CACNA2D3: variants seen among roughly 807,000 people sequenced by gnomAD.
CACNA2D3 encodes calcium voltage-gated channel auxiliary subunit alpha2delta 3.
Under a neutral mutation model 160.6 loss-of-function variants are expected in CACNA2D3, and 60 were observed. The observed-to-expected ratio is 0.37, with a 90% CI of 0.30 to 0.46. CACNA2D3 has a LOEUF of 0.46. Ranked by LOEUF, CACNA2D3 falls within the 20% of genes least tolerant of loss-of-function variation. The pLI, the probability that CACNA2D3 is intolerant of heterozygous loss-of-function variation, is 1.00. For synonymous variants in CACNA2D3, 558 were observed against 492.9 expected (o/e 1.13, Z -1.75); for missense variants, 1,205 against 1,365.0 (o/e 0.88, Z 1.85).
intron 3 of CACNA2D3, among the ~76,000 whole-genome samples, chr3:54,332,880 C>A (rs143051812): frequency 6.6e-6 from 1 of 152,062 alleles, no homozygotes; most frequent in South Asian, 2.1e-4. Flanking sequence ...AGATTTATAG[C>A]GGGCTCCCTC....
At chr3:54,969,014 G>A (rs1702216121) in intron 28 of CACNA2D3, among the ~76,000 whole-genome samples, 2 of 152,068 alleles carry the variant, frequency 1.3e-5, no homozygotes, top group South Asian at 4.1e-4. Context: ...GGTATTTGTT[G>A]AGTAATTTGG....
intron 2 of CACNA2D3, among the ~76,000 whole-genome samples, chr3:54,133,803 C>G (rs1402766528): frequency 6.6e-6 from 1 of 152,108 alleles, no homozygotes; most frequent in Non-Finnish European, 1.5e-5. Flanking sequence ...TGTGTATTCC[C>G]CATTAAGGTA....
At chr3:54,675,191 A>C (rs1257010412) in intron 11 of CACNA2D3, among the ~76,000 whole-genome samples, 1 of 152,142 alleles carries the variant, frequency 6.6e-6, no homozygotes, top group African/African-American at 2.4e-5. Context: ...AGGGTTTGGG[A>C]GACAGGGCCA....
intron 27 of CACNA2D3, among the ~76,000 whole-genome samples, chr3:54,965,680 G>A (rs1000066392): frequency 6.6e-6 from 1 of 152,124 alleles, no homozygotes; most frequent in Non-Finnish European, 1.5e-5. Context: ...TTAACTTATG[G>A]GTAAAAGAAA....
rs148687445 is a variant in CACNA2D3 at position 54,877,779 on chromosome 3, A to T, written c.1711-1239A>T. Among the ~76,000 whole-genome samples, 301 of 152,220 alleles carry T rather than the reference A, an allele frequency of 2.0e-3. 2 individuals are homozygous for T. The highest frequency in any genetic ancestry group is 6.8e-3 in the African/African-American group (282 of 41,536). On this transcript the variant is annotated intron_variant, in intron 18 of 37. Transcript: ENST00000474759. ...ATGGAGACACAGCGAGGCTTACCTAATCTCTAGTTTGCCTGGGGAATGTGA... is the reference window on the plus strand; with the variant it reads ...ATGGAGACACAGCGAGGCTTACCTATTCTCTAGTTTGCCTGGGGAATGTGA...
chr3:54,387,662 G>A (rs1466434111), intron 4 of CACNA2D3, among the ~76,000 whole-genome samples: 1 of 149,278 alleles, frequency 6.7e-6, no homozygotes, highest in Non-Finnish European at 1.5e-5. Flanking sequence ...AAATAAATAA[G>A]TAAGTAAGTA....
At chr3:54,569,402 A>G (rs1285293861) in intron 6 of CACNA2D3, among the ~76,000 whole-genome samples, 1 of 152,024 alleles carries the variant, frequency 6.6e-6, no homozygotes, top group African/African-American at 2.4e-5. Context: ...CACCTGGTCC[A>G]GGGACGGGCC....
chr3:54,764,219 A>G lies in CACNA2D3; in HGVS notation c.1248A>G (p.Gly416=). The change falls in exon 13 of 38, where the codon GGA becomes GGG. Residue 416 remains glycine, a splice_region_variant and synonymous_variant. Coordinates refer to ENST00000474759, the MANE Select transcript of CACNA2D3 (RefSeq NM_018398.3). The part of the protein sequence containing the change: ...NLKWMACANK[G]FFTQISTLAD... Reference sequence around the variant, plus strand: ...TGGCCCTCCCTTGGGTTTTGACAGGATTTTTTACCCAGATCTCCACCTTGG... The same window carrying G: ...TGGCCCTCCCTTGGGTTTTGACAGGGTTTTTTACCCAGATCTCCACCTTGG... The G allele has an allele frequency of 6.2e-7, 1 of 1,612,970 alleles. No homozygotes were observed. The highest frequency in any genetic ancestry group is 1.1e-5 in the South Asian group (1 of 90,980).
intron 2 of CACNA2D3, among the ~76,000 whole-genome samples, chr3:54,289,435 A>G (rs1703124151): frequency 6.6e-6 from 1 of 152,194 alleles, no homozygotes; most frequent in African/African-American, 2.4e-5. Flanking sequence ...AGAACATTCC[A>G]TGCTCATGGG....
chr3:54,685,555 C>G (rs1700434720), intron 11 of CACNA2D3, among the ~76,000 whole-genome samples: 1 of 152,220 alleles, frequency 6.6e-6, no homozygotes, highest in East Asian at 1.9e-4. Context: ...GACTAAGAAA[C>G]AGATCCTGGG....
At chr3:54,409,355 T>A (rs1484693355) in intron 4 of CACNA2D3, among the ~76,000 whole-genome samples, 1 of 152,160 alleles carries the variant, frequency 6.6e-6, no homozygotes, top group Non-Finnish European at 1.5e-5. Flanking sequence ...CAAACTTAAT[T>A]GATAAATATT....
intron 2 of CACNA2D3, among the ~76,000 whole-genome samples, chr3:54,286,092 G>A (rs1703015605): frequency 1.3e-5 from 2 of 152,032 alleles, no homozygotes; most frequent in Admixed American, 6.6e-5. Context: ...TGACTTTGAC[G>A]AGTTGAGAGA....
chr3:54,290,747 A>C (rs1016402877), intron 2 of CACNA2D3, among the ~76,000 whole-genome samples: 7 of 152,104 alleles, frequency 4.6e-5, no homozygotes, highest in Non-Finnish European at 7.3e-5. Context: ...TGATGAGTTC[A>C]TGTCCTTTGT....
chr3:54,928,226 G>A (rs75510138), intron 27 of CACNA2D3, among the ~76,000 whole-genome samples: 5,381 of 152,184 alleles, frequency 0.035, 303 homozygotes, highest in African/African-American at 0.12. Context: ...GATGAGCCGC[G>A]TAAAGAATGT....
At chr3:54,286,013 G>A (rs1272699884) in intron 2 of CACNA2D3, among the ~76,000 whole-genome samples, 2 of 152,112 alleles carry the variant, frequency 1.3e-5, no homozygotes, top group African/African-American at 4.8e-5. Context: ...ACTCTAAAAA[G>A]CAGAGTGCCT....
chr3:54,242,987 G>A (rs1331726143), intron 2 of CACNA2D3, among the ~76,000 whole-genome samples: 1 of 152,224 alleles, frequency 6.6e-6, no homozygotes, highest in African/African-American at 2.4e-5. Flanking sequence ...AAGCTCTGTA[G>A]AAATTACTCT....
rs1575530729 is a variant in CACNA2D3 at position 54,885,558 on chromosome 3, C to T, written c.2028C>T (p.Tyr676=). The T allele has an allele frequency of 3.1e-6, 5 of 1,613,300 alleles. No homozygotes were observed. The highest frequency in any genetic ancestry group is 4.2e-6 in the Non-Finnish European group (5 of 1,179,562). ...HLSQLEAIKL[Y]LKGKEPLLQC... ...CTCAGTTAGAAGCGATTAAGCTCTA[C>T]CTAAAAGGCAAAGAACCTCTGCTCC... Residue 676 remains tyrosine (Y), a synonymous_variant, in exon 23 of 38, where the codon TAC becomes TAT. Coordinates refer to ENST00000474759, the MANE Select transcript of CACNA2D3 (RefSeq NM_018398.3).
chr3:54,517,769 T>C (rs931507930), intron 5 of CACNA2D3, among the ~76,000 whole-genome samples: 4 of 152,158 alleles, frequency 2.6e-5, no homozygotes, highest in African/African-American at 7.2e-5. Flanking sequence ...AAGGCTGCCT[T>C]GCCTTGGGCT....
chr3:54,684,285 A>C (rs191252431), intron 11 of CACNA2D3, among the ~76,000 whole-genome samples: 33 of 152,228 alleles, frequency 2.2e-4, no homozygotes, highest in Non-Finnish European at 3.8e-4. Context: ...TTATAAAGAC[A>C]CCAGTCATTT....
Sources: allele counts gnomAD v4.1 joint callset (sites outside exome capture counted in the v4.1 genomes callset), GRCh38; gene constraint gnomAD v4.1.1; transcripts MANE v1.5; gene names NCBI Gene and HGNC (gene_info 2026-07-23, HGNC 2026-07-21).